The following EDA variants were observed in gnomAD, a reference collection of about 807,000 sequenced individuals.
EDA encodes the protein ectodysplasin-A.
In EDA, 2 loss-of-function variants were observed where a neutral mutation model predicts 23.6. That is an observed-to-expected ratio of 0.08 (90% confidence interval 0.03 to 0.27). The LOEUF (loss-of-function observed/expected upper bound fraction) is 0.27, where lower values mean the gene tolerates loss of function less well. Ranked by LOEUF, EDA falls within the 10% of genes least tolerant of loss-of-function variation. EDA has a pLI of 1.00. For missense variants in EDA, 229 were observed against 324.2 expected, an observed-to-expected ratio of 0.71 and a Z score of 2.26; for synonymous variants, 131 against 132.0, an observed-to-expected ratio of 0.99 and a Z score of 0.05.
chrX:69,848,433 C>A (rs1360387603), intron 1 of EDA, among the ~76,000 whole-genome samples: 1 of 111,112 alleles, frequency 9.0e-6, no homozygotes, highest in Non-Finnish European at 1.9e-5. Flanking sequence ...TTTACAGGGT[C>A]ACATGCAAAC....
chrX:69,877,952 T>C (rs1011642748), intron 1 of EDA, among the ~76,000 whole-genome samples: 1 of 112,670 alleles, frequency 8.9e-6, no homozygotes, highest in African/African-American at 3.2e-5. Context: ...GACATCTTTG[T>C]CAAAAAGCAA....
At chrX:69,758,857 A>G (rs2014209434) in intron 1 of EDA, among the ~76,000 whole-genome samples, 1 of 112,138 alleles carries the variant, frequency 8.9e-6, no homozygotes, top group East Asian at 2.8e-4. Context: ...AATAAAAAAG[A>G]CAACAACAAC....
At chrX:69,749,857 G>A (rs2013755841) in intron 1 of EDA, 2 of 103,559 alleles carry the variant, frequency 1.9e-5, no homozygotes, top group African/African-American at 3.5e-5. Flanking sequence ...CTGTTTTTCC[G>A]AAGTTCATTA....
intron 1 of EDA, among the ~76,000 whole-genome samples, chrX:69,881,863 G>A (rs957381258): frequency 9.9e-5 from 11 of 110,619 alleles, no homozygotes; most frequent in African/African-American, 3.3e-4. Flanking sequence ...AGAGAGAGGG[G>A]GTGGTGCCAG....
At chrX:69,897,089 CT>C (rs1235335984) in intron 1 of EDA, among the ~76,000 whole-genome samples, 3 of 110,980 alleles carry the variant, frequency 2.7e-5, no homozygotes, top group African/African-American at 9.8e-5. Context: ...TTTTTGTCAC[CT>C]TTTTGGGATC....
Position 69,746,415 on chromosome X carries a change from A to G in EDA, c.396+129711A>G, listed in dbSNP as rs1488273728. On this transcript the variant is annotated intron_variant, in intron 1 of 7. Coordinates refer to ENST00000374552, the MANE Select transcript of EDA (RefSeq NM_001399.5). Reference sequence around the variant, plus strand: ...GGCACACCTCCCAACCCCAACTTCTATTCTCCTACATATACAGTTTTCTTC... The same window carrying G: ...GGCACACCTCCCAACCCCAACTTCTGTTCTCCTACATATACAGTTTTCTTC... Among the ~76,000 whole-genome samples, 3 of 111,851 alleles carry G rather than the reference A, an allele frequency of 2.7e-5. No individual in the cohort carries two copies. In the Admixed American group the frequency reaches 2.9e-4, roughly 11 times the overall value.
chrX:69,795,706 G>A (rs756527657), intron 1 of EDA, among the ~76,000 whole-genome samples: 40 of 112,667 alleles, frequency 3.6e-4, no homozygotes, highest in Non-Finnish European at 5.3e-4. Flanking sequence ...CCACACACTG[G>A]CCTAGGCTGT....
At chrX:69,761,545 C>T (rs1046263182) in intron 1 of EDA, among the ~76,000 whole-genome samples, 1 of 111,886 alleles carries the variant, frequency 8.9e-6, no homozygotes, top group Non-Finnish European at 1.9e-5. Flanking sequence ...CACTGTATTA[C>T]ACTGCCTCAA....
chrX:69,764,234 C>CTTTTTTTTTTTTTTTTTT lies in EDA; in HGVS notation c.396+147539_396+147556dup, dbSNP rs1189179243. 1.3e-4 allele frequency among the ~76,000 whole-genome samples: 6 copies of CTTTTTTTTTTTTTTTTTT among 44,544 alleles called. 2 individuals carry two copies. Among genetic ancestry groups the CTTTTTTTTTTTTTTTTTT allele is most frequent in the Admixed American group, 7.9e-4 (2 of 2,547 alleles). The allele number at this position is 44,544 out of a possible 115,157, so 38.7% of individuals were successfully genotyped here. A position where few individuals can be genotyped will look rare whatever the true frequency, so the allele number is the denominator to read the frequency against. The stretch of plus-strand genomic sequence containing the variant: ...CTACCACTCCCATTCATTTTTTATT[C>CTTTTTTTTTTTTTTTTTT]TTTTTTTTTTTTTTTTTTTTTTTTT... On this transcript the variant is annotated intron_variant, in intron 1 of 7. Coordinates refer to ENST00000374552, the MANE Select transcript of EDA (RefSeq NM_001399.5).
chrX:69,816,335 C>G (rs2016081470), intron 1 of EDA, among the ~76,000 whole-genome samples: 1 of 111,394 alleles, frequency 9.0e-6, no homozygotes, highest in South Asian at 3.8e-4. Flanking sequence ...CAGAACTGAG[C>G]TGAGGCTGAG....
chrX:69,924,112 G>A (rs1286700676), intron 1 of EDA, among the ~76,000 whole-genome samples: 2 of 111,092 alleles, frequency 1.8e-5, no homozygotes, highest in African/African-American at 6.5e-5. Context: ...CCATTCTGTA[G>A]GTTGCCTGTT....
At chrX:69,828,675 G>A (rs368818554) in intron 1 of EDA, among the ~76,000 whole-genome samples, 20 of 112,354 alleles carry the variant, frequency 1.8e-4, no homozygotes, top group East Asian at 5.7e-4. Flanking sequence ...CGTCGCTCAC[G>A]CTGGGAGCTG....
intron 1 of EDA, among the ~76,000 whole-genome samples, chrX:69,828,425 G>A (rs1446696108): frequency 8.9e-6 from 1 of 112,180 alleles, no homozygotes; most frequent in Admixed American, 9.4e-5. Context: ...TAAGCCCATT[G>A]GAAAAGCGCA....
At chrX:69,663,087 C>T (rs1301199484) in intron 1 of EDA, among the ~76,000 whole-genome samples, 1 of 112,132 alleles carries the variant, frequency 8.9e-6, no homozygotes, top group African/African-American at 3.2e-5. Context: ...CTGGATGATG[C>T]GACAGAAAAT....
chrX:69,964,297 G>GT lies in EDA; in HGVS notation c.502+7174dup, dbSNP rs935889645. ...TAAGAGATCCAAAAGCATATAAGGA[G>GT]TTTTTTTTTGAAGCATGCATACTCC... On this transcript the variant is annotated intron_variant, in intron 2 of 7. Coordinates refer to ENST00000374552, the MANE Select transcript of EDA (RefSeq NM_001399.5). 2.3e-4 allele frequency among the ~76,000 whole-genome samples: 25 copies of GT among 109,927 alleles called. No homozygotes were observed. In the South Asian group the frequency reaches 3.9e-3, roughly 17 times the overall value.
intron 1 of EDA, among the ~76,000 whole-genome samples, chrX:69,748,460 G>A (rs369663128): frequency 8.9e-6 from 1 of 111,897 alleles, no homozygotes; most frequent in South Asian, 3.7e-4. Context: ...AAAGCCCGTC[G>A]TGTGATATGT....
Position 69,756,403 on chromosome X carries a change from A to G in EDA, c.396+139699A>G, listed in dbSNP as rs1157058003. On this transcript the variant is annotated intron_variant, in intron 1 of 7. Coordinates refer to ENST00000374552, the MANE Select transcript of EDA (RefSeq NM_001399.5). Reference sequence around the variant, plus strand: ...TTATGAGAATCAAATGGCAAAAGTCAGCATCTGTAGTTGGATCAGGGTAGT... The same window carrying G: ...TTATGAGAATCAAATGGCAAAAGTCGGCATCTGTAGTTGGATCAGGGTAGT... Among the ~76,000 whole-genome samples, 9 of 111,754 alleles carry G rather than the reference A, an allele frequency of 8.1e-5. 1 individual carries two copies. Among genetic ancestry groups the G allele is most frequent in the African/African-American group, 2.9e-4 (9 of 30,717 alleles).
chrX:69,658,805 T>C (rs1264787131), intron 1 of EDA, among the ~76,000 whole-genome samples: 2 of 112,036 alleles, frequency 1.8e-5, no homozygotes, highest in African/African-American at 6.5e-5. Flanking sequence ...CTAGTTTACC[T>C]CTCCTAACCA....
intron 1 of EDA, among the ~76,000 whole-genome samples, chrX:69,876,664 A>G (rs1321949806): frequency 9.0e-6 from 1 of 111,498 alleles, no homozygotes; most frequent in Non-Finnish European, 1.9e-5. Flanking sequence ...TGCCTTTTCT[A>G]GAACATCCTA....
Sources: gnomAD v4.1 joint callset for allele counts (sites outside exome capture counted in the v4.1 genomes callset) on GRCh38, gnomAD v4.1.1 for gene constraint, MANE v1.5 for transcripts, NCBI Gene and HGNC (gene_info 2026-07-23, HGNC 2026-07-21) for gene names.